The following TRPA1 variants were observed in gnomAD, a reference collection of about 807,000 sequenced individuals.
TRPA1 encodes the protein transient receptor potential cation channel subfamily A member 1.
In TRPA1, 129 loss-of-function variants were observed where a neutral mutation model predicts 131.3. The ratio of observed to expected loss-of-function variants is 0.98; its 90% CI spans 0.85 to 1.14. The LOEUF (loss-of-function observed/expected upper bound fraction) is 1.14. Among genes scored for constraint, TRPA1 ranks in the 50% most tolerant of loss-of-function variants. The probability of loss-of-function intolerance (pLI) is 0.00; values close to 1 mark genes in which losing one functional copy is unlikely to be tolerated. For synonymous variants in TRPA1, 441 were observed against 451.7 expected, an observed-to-expected ratio of 0.98 and a Z score of 0.30; for missense variants, 1,304 against 1,354.2, an observed-to-expected ratio of 0.96 and a Z score of 0.58.
In TRPA1 at chr8:72,046,544, T is replaced by A; in HGVS notation, c.2030A>T (p.Asp677Val). The change falls in exon 17 of 27, where the codon GAT becomes GTT. Residue 677 changes from aspartate (D) to valine (V), a missense_variant. By Grantham distance (152) the Asp-to-Val change is radical (BLOSUM62 -3). Transcript: ENST00000262209. ...LEFTKKTPTQ[D>V]VIYEPLTALN... is the part of the protein sequence containing the mutation. ...GGCTGTAAGCGGTTCATATATAACA[T>A]CCTGTGTAGGTGTTTTTTTGGTGAA... 1.3e-6 allele frequency: 2 copies of A among 1,599,248 alleles called. No individual in the cohort carries two copies. Among genetic ancestry groups the A allele is most frequent in the Non-Finnish European group, 1.7e-6 (2 of 1,169,100 alleles).
intron 4 of TRPA1, among the ~76,000 whole-genome samples, chr8:72,065,070 A>G (rs1429685141): frequency 1.3e-5 from 2 of 152,200 alleles, no homozygotes; most frequent in African/African-American, 4.8e-5. Context: ...GACTATATTC[A>G]TCTTTCCTTT....
chr8:72,072,053 G>C (rs16937978), intron 1 of TRPA1, among the ~76,000 whole-genome samples, 186 bp from the exon 2 acceptor site: 19,657 of 152,136 alleles, frequency 0.13, 1,455 homozygotes, highest in Middle Eastern at 0.32. Context: ...AATGCCCCAA[G>C]ATTGATCAAC....
At chr8:72,033,871 A>C (rs763420017) in intron 22 of TRPA1, 45 bp from the exon 23 acceptor site, 2 of 1,574,384 alleles carry the variant, frequency 1.3e-6, no homozygotes, top group Non-Finnish European at 1.7e-6. Context: ...AAGTTTCTAC[A>C]ATGAAAAAGT....
chr8:72,027,322 T>A (rs1483130673), intron 24 of TRPA1, among the ~76,000 whole-genome samples: 1 of 152,154 alleles, frequency 6.6e-6, no homozygotes, highest in Non-Finnish European at 1.5e-5. Context: ...CCAAGTCCAG[T>A]GTGGGTCAGG....
the TRPA1 span, among the ~76,000 whole-genome samples, chr8:72,089,167 T>C: frequency 2.0e-5 from 3 of 152,182 alleles, no homozygotes; most frequent in Non-Finnish European, 4.4e-5. Context: ...GAATTTTTAA[T>C]TCTAACTATT....
At chr8:72,037,929 T>C (rs1563386622) in intron 20 of TRPA1, 54 bp downstream of exon 20, 1 of 1,041,834 alleles carries the variant, frequency 9.6e-7, no homozygotes. Context: ...AATTAACTTA[T>C]GTTCTGCATA....
In TRPA1 at chr8:72,056,915, A is replaced by G. The variant is rs1308105845; in HGVS notation, c.1194+2T>C. 1 of 1,600,512 alleles carries G rather than the reference A, an allele frequency of 6.2e-7. No individual in the cohort carries two copies. The highest frequency in any genetic ancestry group is 1.1e-5 in the South Asian group (1 of 90,118). On this transcript the variant is annotated splice_donor_variant, in intron 10 of 26. Coordinates refer to ENST00000262209, the MANE Select transcript of TRPA1 (RefSeq NM_007332.3). LOFTEE classifies it high-confidence loss of function. ...TAATGGCAATCCACAGATATACATT[A>G]CCTGCATAAATTCAGGTCGCAGATT...
intron 17 of TRPA1, among the ~76,000 whole-genome samples, chr8:72,041,922 G>T (rs961809412): frequency 2.0e-5 from 3 of 151,774 alleles, no homozygotes; most frequent in Non-Finnish European, 4.4e-5. Flanking sequence ...ATGAAACCAA[G>T]AATTGGTTTT....
intron 1 of TRPA1, among the ~76,000 whole-genome samples, chr8:72,073,638 T>A (rs993800929): frequency 6.6e-6 from 1 of 152,230 alleles, no homozygotes; most frequent in Non-Finnish European, 1.5e-5. Flanking sequence ...AAAACATAAG[T>A]TGCTCTACGT....
intron 25 of TRPA1, among the ~76,000 whole-genome samples, chr8:72,025,133 T>C (rs1181400452): frequency 2.6e-4 from 29 of 111,256 alleles, no homozygotes; most frequent in Middle Eastern, 6.1e-3. Context: ...TGTGTGTGTG[T>C]GTGCGTGCTA....
At position 72,036,372 on chromosome 8, in the gene TRPA1, AC is replaced by A; in HGVS notation, c.2470del (p.Val824LeufsTer21). On this transcript the variant is annotated frameshift_variant, in exon 21 of 27. Coordinates refer to ENST00000262209, the MANE Select transcript of TRPA1 (RefSeq NM_007332.3). LOFTEE classifies it high-confidence loss of function. ...TGIIFVLPLF[V>X]EIPAHLQWQC... ...CCACTGCAGATGAGCTGGTATTTCAACAAACAAGGGCAGCACAAAAATGATG... is the reference window on the plus strand; with the variant it reads ...CCACTGCAGATGAGCTGGTATTTCAAAAACAAGGGCAGCACAAAAATGATG... The A allele has an allele frequency of 6.2e-7, 1 of 1,614,214 alleles. No individual in the cohort carries two copies. The highest frequency in any genetic ancestry group is 1.3e-5 in the African/African-American group (1 of 75,076).
Position 72,021,411 on chromosome 8 carries a change from CAGG to C in TRPA1, c.*1492_*1494del, listed in dbSNP as rs1035684392. 5.9e-5 allele frequency: 9 copies of C among 152,164 alleles called. No individual in the cohort carries two copies. The highest frequency in any genetic ancestry group is 2.2e-4 in the African/African-American group (9 of 41,428). The allele number at this position is 152,164 out of a possible 1,614,324, so 9.4% of individuals were successfully genotyped here. A position where few individuals can be genotyped will look rare whatever the true frequency, so the allele number is the denominator to read the frequency against. On this transcript the variant is annotated 3_prime_UTR_variant, in exon 27 of 27. Transcript: ENST00000262209. ...TGAAAAGACCCCTTGTCTTTATGAT[CAGG>C]AGATCTTTGGATATTGCTTCTGTAT...
chr8:72,043,657 G>A (rs1426004714), intron 17 of TRPA1, among the ~76,000 whole-genome samples: 1 of 151,562 alleles, frequency 6.6e-6, no homozygotes, highest in Admixed American at 6.6e-5. Flanking sequence ...CCATCTTTCG[G>A]AAATAACTGT....
chr8:72,085,727 A>C, the TRPA1 span, among the ~76,000 whole-genome samples: 1 of 151,746 alleles, frequency 6.6e-6, no homozygotes, highest in Non-Finnish European at 1.5e-5. Flanking sequence ...TTTAATTGGG[A>C]AGTTTAGTTT....
intron 17 of TRPA1, among the ~76,000 whole-genome samples, chr8:72,043,019 A>G (rs990039397): frequency 3.9e-5 from 6 of 151,930 alleles, no homozygotes; most frequent in Non-Finnish European, 8.8e-5. Context: ...CTACTGAACT[A>G]TGCATTTAAA....
intron 16 of TRPA1, 29 bp from the exon 17 acceptor site, chr8:72,046,637 A>G (rs1563391733): frequency 1.6e-6 from 2 of 1,236,436 alleles, no homozygotes; most frequent in Non-Finnish European, 2.4e-6. Context: ...TTTTTAAAAA[A>G]ATGTACAGTT....
chr8:72,043,895 T>C (rs1812341330), intron 17 of TRPA1, among the ~76,000 whole-genome samples: 2 of 151,902 alleles, frequency 1.3e-5, no homozygotes, highest in Admixed American at 1.3e-4. Context: ...TTATTAGGTC[T>C]ACCCTCAAGC....
intron 4 of TRPA1, among the ~76,000 whole-genome samples, chr8:72,064,838 AATCATCTCCATCATCTCC>A (rs201289594): frequency 0.72 from 109,212 of 151,364 alleles, 41,139 homozygotes; most frequent in East Asian, 0.98. Context: ...TCATGTAGAC[AATCATCTCCATCATCTCC>A]ATCATCTCCA....
intron 6 of TRPA1, chr8:72,062,317 GA>G (rs1805828083): frequency 5.8e-6 from 1 of 173,484 alleles, no homozygotes; most frequent in Non-Finnish European, 1.2e-5. Flanking sequence ...GACATTGAAG[GA>G]AAAAGGGCCA....
Sources: gnomAD v4.1 joint callset for allele counts (sites outside exome capture counted in the v4.1 genomes callset) on GRCh38, gnomAD v4.1.1 for gene constraint, MANE v1.5 for transcripts, NCBI Gene and HGNC (gene_info 2026-07-23, HGNC 2026-07-21) for gene names.